KCNMB4: variants seen among roughly 807,000 people sequenced by gnomAD.
KCNMB4 encodes calcium-activated potassium channel subunit beta-4.
Under a neutral mutation model 20.7 loss-of-function variants are expected in KCNMB4, and 3 were observed. The ratio of observed to expected loss-of-function variants is 0.14; its 90% CI spans 0.07 to 0.37. KCNMB4 has a LOEUF of 0.37. Ranked by LOEUF, KCNMB4 falls within the 10% of genes least tolerant of loss-of-function variation. The pLI is 1.00. For missense variants in KCNMB4, 168 were observed against 265.9 expected, an observed-to-expected ratio of 0.63 and a Z score of 2.56; for synonymous variants, 110 against 113.4, an observed-to-expected ratio of 0.97 and a Z score of 0.19.
At chr12:70,426,318 A>AATG (rs1299679309) in intron 2 of KCNMB4, among the ~76,000 whole-genome samples, 2 of 152,066 alleles carry the variant, frequency 1.3e-5, no homozygotes, top group African/African-American at 4.8e-5. Context: ...AAAAAAAGAA[A>AATG]ATGACCTGAA....
chr12:70,387,193 G>A (rs71454275), intron 1 of KCNMB4, among the ~76,000 whole-genome samples: 10,739 of 151,536 alleles, frequency 0.071, 479 homozygotes, highest in Non-Finnish European at 0.11. Flanking sequence ...TAATAAAAAT[G>A]TATCATTCCG....
At chr12:70,418,522 G>A (rs1868968511) in intron 2 of KCNMB4, among the ~76,000 whole-genome samples, 1 of 152,140 alleles carries the variant, frequency 6.6e-6, no homozygotes, top group Admixed American at 6.5e-5. Flanking sequence ...AAACCTAGAA[G>A]ACACCTGCTT....
Position 70,366,683 on chromosome 12 carries a change from CG to C in KCNMB4, c.-47del. 1 of 1,300,292 alleles carries C rather than the reference CG, an allele frequency of 7.7e-7. No homozygotes were observed. The highest frequency in any genetic ancestry group is 9.8e-7 in the Non-Finnish European group (1 of 1,024,312). 80.5% of individuals were successfully genotyped at this position (1,300,292 alleles called of 1,614,324 possible). On this transcript the variant is annotated 5_prime_UTR_variant, in exon 1 of 3. Transcript: ENST00000258111. ...CGCCCGAGGCAGTCGGGCTCGGCGC[CG>C]GGGGCGGGAGGGGGCGGGGGGAGCA...
chr12:70,366,327 A>T lies in KCNMB4; in HGVS notation c.-408A>T, dbSNP rs1383874640. On this transcript the variant is annotated 5_prime_UTR_variant, in exon 1 of 3. Coordinates refer to ENST00000258111, the MANE Select transcript of KCNMB4 (RefSeq NM_014505.6). ...CCTTGGGGCAGCTGCCGGGCGAGTC[A>T]GCGGAGTAGCGGCCAGCGGGCGATG... is the stretch of plus-strand genomic sequence containing the variant. The T allele has an allele frequency of 6.7e-6, 1 of 148,208 alleles. No individual in the cohort carries two copies. Among genetic ancestry groups the T allele is most frequent in the East Asian group, 2.1e-4 (1 of 4,752 alleles). 9.2% of individuals were successfully genotyped at this position (148,208 alleles called of 1,614,324 possible). A position where few individuals can be genotyped will look rare whatever the true frequency, so the allele number is the denominator to read the frequency against.
chr12:70,405,873 A>G (rs1410014790), intron 2 of KCNMB4, among the ~76,000 whole-genome samples: 2 of 152,200 alleles, frequency 1.3e-5, no homozygotes, highest in East Asian at 1.9e-4. Context: ...CCTGGGCCAC[A>G]TAGCGAGATC....
intron 2 of KCNMB4, among the ~76,000 whole-genome samples, chr12:70,417,066 A>C (rs1199134075): frequency 6.6e-6 from 1 of 152,216 alleles, no homozygotes; most frequent in Middle Eastern, 3.2e-3. Context: ...TAATGGTACA[A>C]TACTGATGCT....
chr12:70,380,581 C>T (rs985150790), intron 1 of KCNMB4, among the ~76,000 whole-genome samples: 1 of 150,754 alleles, frequency 6.6e-6, no homozygotes, highest in Non-Finnish European at 1.5e-5. Context: ...AACAAAGCTA[C>T]AGTACTCAGG....
At chr12:70,375,038 T>TAGGG (rs1241978373) in intron 1 of KCNMB4, among the ~76,000 whole-genome samples, 1 of 152,224 alleles carries the variant, frequency 6.6e-6, no homozygotes, top group Non-Finnish European at 1.5e-5. Context: ...TTGTAATTCT[T>TAGGG]ATTTTAATTA....
At chr12:70,370,297 G>GT (rs774582239) in intron 1 of KCNMB4, among the ~76,000 whole-genome samples, 9,218 of 103,184 alleles carry the variant, frequency 0.089, 423 homozygotes, top group East Asian at 0.39. Context: ...TGAATTTTTT[G>GT]TTTTTTTTTG....
At position 70,432,737 on chromosome 12, in the gene KCNMB4, G is replaced by A. The variant is rs1356626807; in HGVS notation, c.*2084G>A. 1.3e-5 allele frequency: 2 copies of A among 152,158 alleles called. No individual in the cohort carries two copies. The highest frequency in any genetic ancestry group is 4.8e-5 in the African/African-American group (2 of 41,434). 9.4% of individuals were successfully genotyped at this position (152,158 alleles called of 1,614,324 possible). On this transcript the variant is annotated 3_prime_UTR_variant, in exon 3 of 3. Coordinates refer to ENST00000258111, the MANE Select transcript of KCNMB4 (RefSeq NM_014505.6). Reference sequence around the variant, plus strand: ...TCTTAGCAACACAGTGAACTATTCTGAAGCATAGAGTAACACGAAACTGGG... The same window carrying A: ...TCTTAGCAACACAGTGAACTATTCTAAAGCATAGAGTAACACGAAACTGGG...
intron 2 of KCNMB4, among the ~76,000 whole-genome samples, chr12:70,417,957 A>T (rs574445547): frequency 1.3e-5 from 2 of 152,330 alleles, no homozygotes; most frequent in South Asian, 4.1e-4. Context: ...AGACTCAGCT[A>T]GCCCGTGTTG....
At chr12:70,381,518 A>G (rs1449720758) in intron 1 of KCNMB4, among the ~76,000 whole-genome samples, 3 of 152,238 alleles carry the variant, frequency 2.0e-5, no homozygotes. Context: ...GAAATATGCT[A>G]ATTCATACAA....
At chr12:70,380,470 A>G (rs569439737) in intron 1 of KCNMB4, among the ~76,000 whole-genome samples, 1 of 152,306 alleles carries the variant, frequency 6.6e-6, no homozygotes, top group African/African-American at 2.4e-5. Context: ...AATGGTGCCA[A>G]TGGACTTGTT....
chr12:70,367,440 A>C (rs970604633), intron 1 of KCNMB4, among the ~76,000 whole-genome samples: 5 of 152,086 alleles, frequency 3.3e-5, no homozygotes, highest in Non-Finnish European at 7.4e-5. Flanking sequence ...GCGGGGATCC[A>C]CCTACTCCAG....
intron 1 of KCNMB4, among the ~76,000 whole-genome samples, chr12:70,378,415 A>G (rs1337416503): frequency 2.0e-5 from 3 of 152,182 alleles, no homozygotes; most frequent in Non-Finnish European, 4.4e-5. Flanking sequence ...ATGATTTACT[A>G]ATGTTCATAA....
intron 1 of KCNMB4, among the ~76,000 whole-genome samples, chr12:70,391,889 T>C (rs997853603): frequency 1.3e-5 from 2 of 152,200 alleles, no homozygotes; most frequent in African/African-American, 4.8e-5. Context: ...CACCTCTCAA[T>C]TGAGGAGTGC....
At chr12:70,394,693 A>C (rs2136126745) in intron 1 of KCNMB4, among the ~76,000 whole-genome samples, 1 of 152,122 alleles carries the variant, frequency 6.6e-6, no homozygotes, top group Non-Finnish European at 1.5e-5. Context: ...TTGAGATAGG[A>C]TCTTGCTCTG....
chr12:70,406,704 T>C (rs1388230246), intron 2 of KCNMB4, among the ~76,000 whole-genome samples: 2 of 152,050 alleles, frequency 1.3e-5, no homozygotes, highest in African/African-American at 2.4e-5. Context: ...CTGGTGACCA[T>C]GTTGATGAAC....
intron 2 of KCNMB4, among the ~76,000 whole-genome samples, chr12:70,408,778 A>G (rs1868686314): frequency 6.6e-6 from 1 of 150,678 alleles, no homozygotes; most frequent in Admixed American, 6.6e-5. Flanking sequence ...TTGTTTTTAC[A>G]CTTTTTTATT....
Sources: allele counts gnomAD v4.1 joint callset (sites outside exome capture counted in the v4.1 genomes callset), GRCh38; gene constraint gnomAD v4.1.1; transcripts MANE v1.5; gene names NCBI Gene and HGNC (gene_info 2026-07-23, HGNC 2026-07-21).